CDCA2: variants seen among roughly 807,000 people sequenced by gnomAD.
CDCA2 encodes cell division cycle-associated protein 2.
A neutral mutation model predicts 67.0 loss-of-function variants in CDCA2; 44 were observed. The ratio of observed to expected loss-of-function variants is 0.66; its 90% CI spans 0.52 to 0.84. The LOEUF is 0.84. Ranked by LOEUF, CDCA2 falls within the 40% of genes least tolerant of loss-of-function variation. The pLI, the probability that CDCA2 is intolerant of heterozygous loss-of-function variation, is 0.00. For missense variants in CDCA2, 1,253 were observed against 1,203.2 expected (o/e 1.04, Z -0.61); for synonymous variants, 447 against 418.7 (o/e 1.07, Z -0.82).
intron 7 of CDCA2, among the ~76,000 whole-genome samples, chr8:25,471,747 G>A (rs1295221448): frequency 6.6e-6 from 1 of 152,176 alleles, no homozygotes; most frequent in East Asian, 1.9e-4. Context: ...ATTGTATGAA[G>A]TGTAGCGATT....
chr8:25,507,792 A>C lies in CDCA2; in HGVS notation c.*54A>C. ...GAGGGAAAGTAACCATCTATGCTGA[A>C]ATGATCTGTCTAGTTCCCATTCTCT... On this transcript the variant is annotated 3_prime_UTR_variant, in exon 15 of 15. Transcript: ENST00000330560. The C allele has an allele frequency of 6.5e-7, 1 of 1,544,640 alleles. No individual in the cohort carries two copies. Among genetic ancestry groups the C allele is most frequent in the South Asian group, 1.3e-5 (1 of 79,498 alleles).
In CDCA2 at chr8:25,507,613, C is replaced by T. The variant is rs768518817; in HGVS notation, c.2947C>T (p.Leu983Phe). Residue 983 changes from leucine (L) to phenylalanine (F), a missense_variant, in exon 15 of 15, where the codon CTT becomes TTT. Coordinates refer to ENST00000330560, the MANE Select transcript of CDCA2 (RefSeq NM_152562.4). ...KRRKSFCISTLANTKATSQFK... is the reference protein window; with the variant it reads ...KRRKSFCISTFANTKATSQFK... ...GAGGAAGAGCTTTTGTATATCTACA[C>T]TTGCAAATACTAAAGCCACTTCCCA... is the stretch of plus-strand genomic sequence containing the variant. 1.9e-6 allele frequency: 3 copies of T among 1,614,196 alleles called. No individual in the cohort carries two copies. The highest frequency in any genetic ancestry group is 2.5e-6 in the Non-Finnish European group (3 of 1,180,024).
In CDCA2 at chr8:25,460,537, T is replaced by C. The variant is rs1172144697; in HGVS notation, c.215T>C (p.Phe72Ser). The C allele has an allele frequency of 1.9e-6, 3 of 1,613,756 alleles. No homozygotes were observed. Among genetic ancestry groups the C allele is most frequent in the Non-Finnish European group, 2.5e-6 (3 of 1,179,954 alleles). Residue 72 changes from phenylalanine (F) to serine (S), a missense_variant, in exon 3 of 15, where the codon TTT (phenylalanine) becomes TCT (serine). Coordinates refer to ENST00000330560, the MANE Select transcript of CDCA2 (RefSeq NM_152562.4). ...VEQLGITPES[F>S]VRNSAGKSSS... is the part of the protein sequence containing the mutation. The stretch of plus-strand genomic sequence containing the variant: ...CAATTGGGAATTACACCTGAAAGCT[T>C]TGTTAGGAACTCTGCAGGTAAGAAA...
chr8:25,506,761 G>A lies in CDCA2; in HGVS notation c.2095G>A (p.Glu699Lys), dbSNP rs754537364. Residue 699 changes from glutamate to lysine, a missense_variant, in exon 15 of 15, where the codon GAA (glutamate) becomes AAA (lysine). Glu to Lys is a moderately conservative substitution (Grantham distance 56). Coordinates refer to ENST00000330560, the MANE Select transcript of CDCA2 (RefSeq NM_152562.4). ...TATTCCAAAAGCAAAAAATAAGTCA[G>A]AAAGTGAAAATGAACCAAAAGCTGG... The part of the protein sequence containing the change: ...KNIPKAKNKS[E>K]SENEPKAGTD... 17 of 1,613,390 alleles carry A rather than the reference G, an allele frequency of 1.1e-5. No individual in the cohort carries two copies. Among genetic ancestry groups the A allele is most frequent in the Non-Finnish European group, 1.4e-5 (17 of 1,179,898 alleles).
At chr8:25,461,414 T>C (rs1053000532) in intron 3 of CDCA2, among the ~76,000 whole-genome samples, 2 of 151,970 alleles carry the variant, frequency 1.3e-5, no homozygotes, top group African/African-American at 4.8e-5. Context: ...GATCAGAGAA[T>C]AGCATTTAGA....
chr8:25,506,711 T>C lies in CDCA2; in HGVS notation c.2045T>C (p.Ile682Thr), dbSNP rs1804694273. The C allele has an allele frequency of 2.5e-6, 4 of 1,610,392 alleles. No homozygotes were observed. The highest frequency in any genetic ancestry group is 1.1e-5 in the South Asian group (1 of 90,072). Residue 682 changes from isoleucine (I) to threonine (T), a missense_variant, in exon 15 of 15, where the codon ATA becomes ACA. Ile to Thr is a moderately conservative substitution (Grantham distance 89). Transcript: ENST00000330560. ...ATSDEDPNTN[I>T]MNINENKNIP... ...TCTGATGAAGATCCAAATACAAATA[T>C]AATGAACATTAATGAAAATAAAAAT... is the stretch of plus-strand genomic sequence containing the variant.
chr8:25,461,295 A>T (rs1802678757), intron 3 of CDCA2, among the ~76,000 whole-genome samples: 1 of 151,064 alleles, frequency 6.6e-6, no homozygotes. Context: ...AAAAAAACAC[A>T]AACAGAAGAT....
At chr8:25,485,083 G>C (rs994625571) in intron 10 of CDCA2, among the ~76,000 whole-genome samples, 3 of 141,464 alleles carry the variant, frequency 2.1e-5, no homozygotes, top group African/African-American at 8.2e-5. Context: ...ACAGAAATAC[G>C]ATCATCTGAG....
chr8:25,484,147 T>G lies in CDCA2; in HGVS notation c.1302T>G (p.Leu434=), dbSNP rs1803675122. The change falls in exon 10 of 15, where the codon CTT becomes CTG. Residue 434 remains leucine, a synonymous_variant. Transcript: ENST00000330560. ...KDFSGLSSLL[L]EQSPVPEPLP... ...TCAGTGGTCTCAGTTCCCTGCTGCT[T>G]GAGCAGTCACCTGTTCCTGAGCCAT... 2 of 1,614,202 alleles carry G rather than the reference T, an allele frequency of 1.2e-6. No homozygotes were observed. Among genetic ancestry groups the G allele is most frequent in the Non-Finnish European group, 1.7e-6 (2 of 1,180,038 alleles).
chr8:25,461,173 A>G (rs570045684), intron 3 of CDCA2, among the ~76,000 whole-genome samples: 2 of 150,804 alleles, frequency 1.3e-5, no homozygotes, highest in South Asian at 2.1e-4. Context: ...AGTTTGAGGC[A>G]GGAGAATCGC....
At chr8:25,465,804 A>G (rs1395432448) in intron 4 of CDCA2, among the ~76,000 whole-genome samples, 2 of 152,162 alleles carry the variant, frequency 1.3e-5, no homozygotes, top group Non-Finnish European at 2.9e-5. Context: ...GTATGCTGAG[A>G]CTTACCTGTG....
intron 13 of CDCA2, among the ~76,000 whole-genome samples, chr8:25,489,586 C>T (rs531291524): frequency 5.9e-5 from 9 of 152,228 alleles, no homozygotes; most frequent in Non-Finnish European, 1.3e-4. Flanking sequence ...TACACATTCA[C>T]TGACATCTGG....
intron 8 of CDCA2, 102 bp downstream of exon 8, chr8:25,480,226 A>G: frequency 1.0e-6 from 1 of 975,100 alleles, no homozygotes; most frequent in Non-Finnish European, 1.5e-6. Context: ...TTAAAAGGAA[A>G]TGTCTTACTC....
rs768625355 is a variant in CDCA2 at position 25,507,681 on chromosome 8, A to G, written c.3015A>G (p.Gly1005=). 4 of 1,613,972 alleles carry G rather than the reference A, an allele frequency of 2.5e-6. No individual in the cohort carries two copies. The highest frequency in any genetic ancestry group is 1.3e-5 in the African/African-American group (1 of 74,932). The change falls in exon 15 of 15, where the codon GGA becomes GGG. Residue 1005 remains glycine, a synonymous_variant. Coordinates refer to ENST00000330560, the MANE Select transcript of CDCA2 (RefSeq NM_152562.4). ...YRRRSSLNGK[G]ESSLTALERI... ...GAAGATCCTCTCTTAATGGGAAGGG[A>G]GAGAGCTCTCTGACTGCCTTGGAAA... is the stretch of plus-strand genomic sequence containing the variant.
At position 25,487,318 on chromosome 8, in the gene CDCA2, C is replaced by A; in HGVS notation, c.1517C>A (p.Thr506Asn). Residue 506 changes from threonine to asparagine, a missense_variant, in exon 12 of 15, where the codon ACT (threonine) becomes AAT (asparagine). Physicochemically the swap from Thr to Asn is moderately conservative, Grantham distance 65. Coordinates refer to ENST00000330560, the MANE Select transcript of CDCA2 (RefSeq NM_152562.4). ...SSPKVGRITR[T>N]SNRRNQLVSV... ...CCTAAAGTTGGTAGAATAACAAGGA[C>A]TTCTAACAGAAGAAATGTAAGTGTT... 1 of 1,598,074 alleles carries A rather than the reference C, an allele frequency of 6.3e-7. No individual in the cohort carries two copies. The highest frequency in any genetic ancestry group is 8.6e-7 in the Non-Finnish European group (1 of 1,166,612).
intron 7 of CDCA2, among the ~76,000 whole-genome samples, chr8:25,473,416 A>G (rs1421188924): frequency 6.6e-6 from 1 of 152,142 alleles, no homozygotes; most frequent in Non-Finnish European, 1.5e-5. Flanking sequence ...TGAGGTGATC[A>G]TATGGTTTTT....
intron 8 of CDCA2, among the ~76,000 whole-genome samples, chr8:25,480,376 T>C (rs561216749): frequency 1.3e-5 from 2 of 152,186 alleles, no homozygotes. Flanking sequence ...TTATAAAGGG[T>C]CATAATCTTA....
rs560498054 is a variant in CDCA2, at chr8:25,503,664, G to A, written c.1843+120G>A. 1.3e-5 allele frequency: 13 copies of A among 965,866 alleles called. 1 individual carries two copies. In the South Asian group the frequency reaches 2.1e-4, roughly 16 times the overall value. 59.8% of individuals were successfully genotyped at this position (965,866 alleles called of 1,614,324 possible). A position where few individuals can be genotyped will look rare whatever the true frequency, so the allele number is the denominator to read the frequency against. On this transcript the variant is annotated intron_variant, in intron 14 of 14. Transcript: ENST00000330560. ...GTAAAGAGTACGTAAATTTTAAAAA[G>A]CAATGTTTCCTCACATTACCATGAG...
chr8:25,487,039 C>A (rs553483284), intron 11 of CDCA2, among the ~76,000 whole-genome samples: 2 of 151,056 alleles, frequency 1.3e-5, no homozygotes, highest in East Asian at 3.9e-4. Context: ...TGGAAAGTGG[C>A]GAAAGTTTCT....
Sources: allele counts gnomAD v4.1 joint callset (sites outside exome capture counted in the v4.1 genomes callset), GRCh38; gene constraint gnomAD v4.1.1; transcripts MANE v1.5; gene names NCBI Gene and HGNC (gene_info 2026-07-23, HGNC 2026-07-21).